SPTSSB: variants seen among roughly 807,000 people sequenced by gnomAD.
SPTSSB encodes androgen down regulated in mouse prostate.
In SPTSSB, 6 loss-of-function variants were observed where a neutral mutation model predicts 7.7. The observed-to-expected ratio is 0.78, with a 90% CI of 0.43 to 1.54. The LOEUF is 1.54. Ranked by LOEUF, SPTSSB falls within the 40% of genes most tolerant of loss-of-function variation. The pLI is 0.01. For missense variants in SPTSSB, 91 were observed against 93.0 expected (o/e 0.98, Z 0.09); for synonymous variants, 28 against 29.7 (o/e 0.94, Z 0.19).
At chr3:161,349,459 C>G (rs1334153383) in intron 2 of SPTSSB, among the ~76,000 whole-genome samples, 1 of 152,202 alleles carries the variant, frequency 6.6e-6, no homozygotes, top group Non-Finnish European at 1.5e-5. Context: ...AGTGCTGTAT[C>G]TCAGCAAAGC....
intron 2 of SPTSSB, among the ~76,000 whole-genome samples, chr3:161,347,698 C>G (rs1399198035): frequency 2.0e-5 from 3 of 151,916 alleles, no homozygotes; most frequent in Non-Finnish European, 2.9e-5. Context: ...ATGGTGAAAC[C>G]CTGTCTGTAC....
chr3:161,369,996 G>T (rs1173322337), intron 1 of SPTSSB, among the ~76,000 whole-genome samples: 1 of 152,146 alleles, frequency 6.6e-6, no homozygotes, highest in Non-Finnish European at 1.5e-5. Context: ...AGTTATTGTT[G>T]TTTTTAGGGA....
intron 2 of SPTSSB, chr3:161,359,215 T>C (rs1714905484): frequency 6.6e-6 from 1 of 152,246 alleles, no homozygotes; most frequent in Non-Finnish European, 1.5e-5. Context: ...TTTTAATTGT[T>C]AATATTTTTG....
intron 2 of SPTSSB, among the ~76,000 whole-genome samples, chr3:161,348,601 C>T (rs1299271382): frequency 1.3e-5 from 2 of 152,208 alleles, no homozygotes; most frequent in East Asian, 3.9e-4. Context: ...ATGGTAAGAT[C>T]TTGATCACAA....
intron 2 of SPTSSB, among the ~76,000 whole-genome samples, chr3:161,357,253 G>A (rs1714809159): frequency 6.6e-6 from 1 of 152,240 alleles, no homozygotes; most frequent in Admixed American, 6.5e-5. Flanking sequence ...AAATCGCTTA[G>A]ATTTTATAAT....
intron 2 of SPTSSB, among the ~76,000 whole-genome samples, chr3:161,351,683 T>G (rs1003246305): frequency 6.6e-6 from 1 of 152,162 alleles, no homozygotes; most frequent in African/African-American, 2.4e-5. Flanking sequence ...TGCTGATATT[T>G]TTTATTCTAT....
intron 2 of SPTSSB, among the ~76,000 whole-genome samples, chr3:161,353,744 A>T (rs745497425): frequency 6.6e-6 from 1 of 152,188 alleles, no homozygotes; most frequent in Non-Finnish European, 1.5e-5. Flanking sequence ...TCTGTGTAAG[A>T]ATTAGACATA....
At chr3:161,354,077 C>A (rs988544320) in intron 2 of SPTSSB, among the ~76,000 whole-genome samples, 1 of 152,176 alleles carries the variant, frequency 6.6e-6, no homozygotes, top group African/African-American at 2.4e-5. Flanking sequence ...AATTAAGGAA[C>A]TTTCTCTACA....
intron 1 of SPTSSB, among the ~76,000 whole-genome samples, chr3:161,362,776 T>C (rs1029465657): frequency 2.6e-5 from 4 of 151,972 alleles, no homozygotes; most frequent in African/African-American, 9.7e-5. Flanking sequence ...CCCATGAAAA[T>C]TGAGTAAGCA....
chr3:161,370,167 G>C (rs1179503324), intron 1 of SPTSSB, among the ~76,000 whole-genome samples: 1 of 152,018 alleles, frequency 6.6e-6, no homozygotes, highest in Non-Finnish European at 1.5e-5. Context: ...AATTATAAAG[G>C]GCAGTTTTTA....
chr3:161,365,042 A>G (rs1715162346), intron 1 of SPTSSB, among the ~76,000 whole-genome samples: 1 of 152,230 alleles, frequency 6.6e-6, no homozygotes, highest in African/African-American at 2.4e-5. Flanking sequence ...GAGCTGAAAG[A>G]GCAGGGATAC....
chr3:161,357,361 G>A (rs336564), intron 2 of SPTSSB, among the ~76,000 whole-genome samples: 11,120 of 152,230 alleles, frequency 0.073, 603 homozygotes, highest in East Asian at 0.24. Context: ...TGAGAATAGT[G>A]TGGATATATT....
At chr3:161,357,533 A>T (rs972375714) in intron 2 of SPTSSB, among the ~76,000 whole-genome samples, 10 of 152,234 alleles carry the variant, frequency 6.6e-5, no homozygotes, top group Admixed American at 6.5e-4. Flanking sequence ...AAACATAAAA[A>T]TACTTATATT....
chr3:161,370,170 A>C (rs1674065520), intron 1 of SPTSSB, among the ~76,000 whole-genome samples: 1 of 152,204 alleles, frequency 6.6e-6, no homozygotes, highest in Non-Finnish European at 1.5e-5. Flanking sequence ...TATAAAGGGC[A>C]GTTTTTATAA....
chr3:161,352,745 T>C (rs1462644284), intron 2 of SPTSSB, among the ~76,000 whole-genome samples: 2 of 152,196 alleles, frequency 1.3e-5, no homozygotes, highest in East Asian at 1.9e-4. Flanking sequence ...TTTAGACAGA[T>C]TGTTTTGTGA....
chr3:161,359,295 A>T (rs1714907883), intron 2 of SPTSSB: 1 of 152,228 alleles, frequency 6.6e-6, no homozygotes, highest in African/African-American at 2.4e-5. Flanking sequence ...AATGCTTATT[A>T]AAACATATAT....
At chr3:161,347,593 C>T (rs1047727006) in intron 2 of SPTSSB, among the ~76,000 whole-genome samples, 5 of 151,880 alleles carry the variant, frequency 3.3e-5, no homozygotes, top group Non-Finnish European at 7.4e-5. Context: ...CACTAATTGT[C>T]GGGCTCGGTG....
chr3:161,356,360 A>G (rs1318700930), intron 2 of SPTSSB, among the ~76,000 whole-genome samples: 3 of 152,054 alleles, frequency 2.0e-5, no homozygotes, highest in African/African-American at 4.8e-5. Context: ...TTCCCTACCT[A>G]TTGTTATTAC....
Position 161,356,107 on chromosome 3 carries a change from G to C in SPTSSB, c.-33+3695C>G, listed in dbSNP as rs148698163. 4.4e-3 allele frequency among the ~76,000 whole-genome samples: 670 copies of C among 152,226 alleles called. 4 individuals carry two copies. The highest frequency in any genetic ancestry group is 0.015 in the African/African-American group (643 of 41,526). On this transcript the variant is annotated intron_variant, in intron 2 of 2. Transcript: ENST00000620149. ...GGTTCCCTTCTTGGTTGTCAAAATAGAAGGGGAAAACTCAGAAGAGCCAAA... is the reference window on the plus strand; with the variant it reads ...GGTTCCCTTCTTGGTTGTCAAAATACAAGGGGAAAACTCAGAAGAGCCAAA...
Sources: allele counts gnomAD v4.1 joint callset (sites outside exome capture counted in the v4.1 genomes callset), GRCh38; gene constraint gnomAD v4.1.1; transcripts MANE v1.5; gene names NCBI Gene and HGNC (gene_info 2026-07-23, HGNC 2026-07-21).